UNC13C: variants seen among roughly 807,000 people sequenced by gnomAD.
UNC13C encodes protein unc-13 homolog C.
In UNC13C, 174 loss-of-function variants were observed where a neutral mutation model predicts 245.4. That is an observed-to-expected ratio of 0.71 (90% CI 0.63 to 0.80). UNC13C has a LOEUF of 0.80. UNC13C is among the 30% of genes least tolerant of loss of function. UNC13C has a pLI of 0.00. For missense variants in UNC13C, 2,829 were observed against 2,602.9 expected, an observed-to-expected ratio of 1.09 and a Z score of -1.89; for synonymous variants, 992 against 895.1, an observed-to-expected ratio of 1.11 and a Z score of -1.93.
intron 2 of UNC13C, among the ~76,000 whole-genome samples, chr15:54,068,223 A>G (rs895452001): frequency 1.6e-4 from 25 of 152,206 alleles, no homozygotes; most frequent in African/African-American, 5.1e-4. Context: ...TAACTGATTC[A>G]TAGACACTTT....
the UNC13C span, among the ~76,000 whole-genome samples, chr15:53,872,559 G>A: frequency 6.6e-6 from 1 of 152,078 alleles, no homozygotes; most frequent in Non-Finnish European, 1.5e-5. Flanking sequence ...TTGTCCCTGT[G>A]GTGTAGGCTC....
intron 30 of UNC13C, among the ~76,000 whole-genome samples, chr15:54,586,751 T>A (rs1338789351): frequency 2.0e-5 from 3 of 152,200 alleles, no homozygotes; most frequent in Admixed American, 2.0e-4. Flanking sequence ...AAGTTGCAAG[T>A]AATAATCAAG....
At chr15:54,150,734 C>T (rs1301315998) in intron 4 of UNC13C, among the ~76,000 whole-genome samples, 1 of 152,142 alleles carries the variant, frequency 6.6e-6, no homozygotes, top group Non-Finnish European at 1.5e-5. Context: ...AGGGTGACTA[C>T]TTCAATGTGT....
In UNC13C at chr15:54,549,654, T is replaced by C. The variant is rs753316803; in HGVS notation, c.5840T>C (p.Ile1947Thr). Residue 1947 changes from isoleucine to threonine, a missense_variant, in exon 28 of 33, where the codon ATT becomes ACT. Ile to Thr is a moderately conservative substitution (Grantham distance 89). Transcript: ENST00000260323. ...TDQTGPQMIF[I>T]AAKDLGQLSK... ...TTCTAGGGACCCCAGATGATTTTCATTGCAGCTAAAGATCTTGGACAATTA... is the reference window on the plus strand; with the variant it reads ...TTCTAGGGACCCCAGATGATTTTCACTGCAGCTAAAGATCTTGGACAATTA... 2.9e-5 allele frequency: 46 copies of C among 1,605,190 alleles called. No individual in the cohort carries two copies. The highest frequency in any genetic ancestry group is 3.6e-5 in the Non-Finnish European group (42 of 1,176,128).
chr15:54,551,984 G>C (rs1226860961), intron 28 of UNC13C, among the ~76,000 whole-genome samples: 1 of 147,960 alleles, frequency 6.8e-6, no homozygotes, highest in Non-Finnish European at 1.5e-5. Flanking sequence ...TTTGAAAGCA[G>C]ATATGATGTG....
chr15:54,601,100 A>C (rs1451178670), intron 30 of UNC13C, among the ~76,000 whole-genome samples: 3 of 152,202 alleles, frequency 2.0e-5, no homozygotes, highest in Admixed American at 6.5e-5. Context: ...AGGGTTGGAC[A>C]AGCTTGATCT....
At position 54,627,070 on chromosome 15, in the gene UNC13C, T is replaced by TAAGA. The variant is rs1555404381; in HGVS notation, c.6603_6606dup (p.Leu2203LysfsTer3). 2 of 1,612,902 alleles carry TAAGA rather than the reference T, an allele frequency of 1.2e-6. No homozygotes were observed. The highest frequency in any genetic ancestry group is 1.7e-6 in the Non-Finnish European group (2 of 1,179,356). On this transcript the variant is annotated frameshift_variant, in exon 33 of 33. Transcript: ENST00000260323. LOFTEE classifies it high-confidence loss of function. ...AGTGATGATGTGGCTAAAGAATTTG[T>TAAGA]AAGACTTAAATCTGAAACAAGATCT...
intron 30 of UNC13C, among the ~76,000 whole-genome samples, chr15:54,605,256 C>T (rs759970137): frequency 6.6e-6 from 1 of 152,144 alleles, no homozygotes; most frequent in Non-Finnish European, 1.5e-5. Context: ...CAGCTGAGTT[C>T]TAAGAGGGGC....
intron 1 of UNC13C, among the ~76,000 whole-genome samples, chr15:53,985,666 T>C (rs900198599): frequency 1.3e-5 from 2 of 151,950 alleles, no homozygotes; most frequent in African/African-American, 4.8e-5. Context: ...AGAAGATGTA[T>C]AGCTATGAGA....
At chr15:54,631,830 T>C (rs1901462698), downstream of UNC13C, 2 of 152,206 alleles carry the variant, frequency 1.3e-5, no homozygotes, top group East Asian at 3.8e-4. Context: ...TACTTGTTTT[T>C]ATTTTTCTTG....
chr15:54,402,389 A>C (rs992637653), intron 18 of UNC13C, among the ~76,000 whole-genome samples: 1 of 152,182 alleles, frequency 6.6e-6, no homozygotes, highest in Non-Finnish European at 1.5e-5. Flanking sequence ...GGTACTGCCA[A>C]AGAATGCTTA....
chr15:53,956,615 G>A, the UNC13C span, among the ~76,000 whole-genome samples: 4 of 102,232 alleles, frequency 3.9e-5, no homozygotes, highest in Non-Finnish European at 6.6e-5. Context: ...AAAGGGAGAA[G>A]CTTGATGATT....
At chr15:54,445,019 A>C (rs1038075882) in intron 19 of UNC13C, among the ~76,000 whole-genome samples, 1 of 130,194 alleles carries the variant, frequency 7.7e-6, no homozygotes, top group Non-Finnish European at 1.6e-5. Context: ...CCTGTGTCCA[A>C]GTGTTCACAT....
At chr15:54,305,653 G>C (rs1377387857) in intron 13 of UNC13C, among the ~76,000 whole-genome samples, 3 of 151,856 alleles carry the variant, frequency 2.0e-5, no homozygotes, top group African/African-American at 7.3e-5. Flanking sequence ...ACCAACGAAA[G>C]AACAACAAAA....
chr15:54,614,752 A>G (rs1900319433), intron 30 of UNC13C, among the ~76,000 whole-genome samples: 1 of 151,990 alleles, frequency 6.6e-6, no homozygotes, highest in African/African-American at 2.4e-5. Context: ...TATTTATTAT[A>G]TACTTAGACA....
rs905843404 is a variant in UNC13C at position 54,309,170 on chromosome 15, T to C, written c.4268+8797T>C. 1.8e-4 allele frequency among the ~76,000 whole-genome samples: 27 copies of C among 151,850 alleles called. 1 individual carries two copies. Among genetic ancestry groups the C allele is most frequent in the Admixed American group, 1.2e-3 (18 of 15,212 alleles). On this transcript the variant is annotated intron_variant, in intron 13 of 32. Coordinates refer to ENST00000260323, the MANE Select transcript of UNC13C (RefSeq NM_001080534.3). ...TCCACCTCCTTGCCAAGGCTTGTTA[T>C]CTTTTACCTTTTTTGGTAATAGCCA...
At chr15:54,169,423 C>T (rs1044182278) in intron 4 of UNC13C, among the ~76,000 whole-genome samples, 17 of 152,114 alleles carry the variant, frequency 1.1e-4, no homozygotes, top group African/African-American at 4.1e-4. Flanking sequence ...GTATTTTGCC[C>T]ATTACTAACC....
rs796638626 is a variant in UNC13C, at chr15:54,224,174, A to G, written c.3072-10856A>G. On this transcript the variant is annotated intron_variant, in intron 4 of 32. Coordinates refer to ENST00000260323, the MANE Select transcript of UNC13C (RefSeq NM_001080534.3). ...GCTAGGACTTCCAGTACTACGTTGA[A>G]TAACCGTGGTGACAGTGGGCATCCT... Among the ~76,000 whole-genome samples the G allele has an allele frequency of 1.7e-4, 26 of 152,208 alleles. 2 individuals carry two copies. Among genetic ancestry groups the G allele is most frequent in the African/African-American group, 5.8e-4 (24 of 41,546 alleles).
chr15:54,582,405 G>T (rs1192150393), intron 30 of UNC13C, among the ~76,000 whole-genome samples: 2 of 152,140 alleles, frequency 1.3e-5, no homozygotes, highest in African/African-American at 2.4e-5. Context: ...TGTCTACTAA[G>T]ATATGAGATA....
Sources: allele counts gnomAD v4.1 joint callset (sites outside exome capture counted in the v4.1 genomes callset), GRCh38; gene constraint gnomAD v4.1.1; transcripts MANE v1.5; gene names NCBI Gene and HGNC (gene_info 2026-07-23, HGNC 2026-07-21).